The following PTPRK variants were observed in gnomAD, a reference collection of about 807,000 sequenced individuals.
PTPRK encodes the protein protein tyrosine phosphatase receptor type K, also known as receptor-type tyrosine-protein phosphatase kappa.
A neutral mutation model predicts 178.0 loss-of-function variants in PTPRK; 75 were observed. That is an observed-to-expected ratio of 0.42 (90% CI 0.35 to 0.51). The LOEUF (loss-of-function observed/expected upper bound fraction) is 0.51. Among genes scored for constraint, PTPRK ranks in the 20% least tolerant of loss-of-function variants. The pLI is 0.02. For missense variants in PTPRK, 1,441 were observed against 1,797.8 expected, an observed-to-expected ratio of 0.80 and a Z score of 3.59; for synonymous variants, 637 against 620.6, an observed-to-expected ratio of 1.03 and a Z score of -0.39.
intron 2 of PTPRK, among the ~76,000 whole-genome samples, chr6:128,388,176 T>C (rs1410462986): frequency 1.3e-5 from 2 of 152,098 alleles, no homozygotes; most frequent in Non-Finnish European, 2.9e-5. Context: ...TATCAAAGAG[T>C]ATCCCAGGAA....
intron 2 of PTPRK, among the ~76,000 whole-genome samples, chr6:128,348,947 C>T (rs1386627363): frequency 6.6e-6 from 1 of 152,000 alleles, no homozygotes; most frequent in African/African-American, 2.4e-5. Context: ...TAAAAATCCA[C>T]CTATCTAAGA....
At chr6:128,310,370 G>A (rs1201105195) in intron 3 of PTPRK, among the ~76,000 whole-genome samples, 1 of 152,158 alleles carries the variant, frequency 6.6e-6, no homozygotes, top group Non-Finnish European at 1.5e-5. Flanking sequence ...CTGAATTTCA[G>A]TTAGCATAGT....
intron 1 of PTPRK, among the ~76,000 whole-genome samples, chr6:128,511,905 C>T (rs1192513638): frequency 1.3e-5 from 2 of 152,154 alleles, no homozygotes; most frequent in Non-Finnish European, 2.9e-5. Flanking sequence ...AAACACTGAT[C>T]ACAGGCCCTA....
At chr6:128,454,904 A>G (rs1363216831) in intron 1 of PTPRK, among the ~76,000 whole-genome samples, 1 of 152,152 alleles carries the variant, frequency 6.6e-6, no homozygotes, top group African/African-American at 2.4e-5. Flanking sequence ...AATTTTTTTA[A>G]TGCTCTCCTT....
intron 7 of PTPRK, among the ~76,000 whole-genome samples, chr6:128,142,442 G>A (rs1044998999): frequency 4.6e-5 from 7 of 151,668 alleles, no homozygotes; most frequent in Non-Finnish European, 1.0e-4. Context: ...AGCTAGACAA[G>A]TCAAACATTG....
At chr6:127,974,113 C>T (rs1225905173) in intron 27 of PTPRK, among the ~76,000 whole-genome samples, 2 of 152,274 alleles carry the variant, frequency 1.3e-5, no homozygotes, top group Middle Eastern at 3.4e-3. Flanking sequence ...TTCTCTTTAT[C>T]ACCACTGACA....
At chr6:127,971,990 T>C (rs996092027) in intron 29 of PTPRK, among the ~76,000 whole-genome samples, 7 of 152,084 alleles carry the variant, frequency 4.6e-5, no homozygotes, top group African/African-American at 1.4e-4. Flanking sequence ...TCAAAACCAA[T>C]GTAATCTTGT....
At chr6:128,096,928 C>CTTTGAAAGACATTGTCT (rs1788011631) in intron 7 of PTPRK, among the ~76,000 whole-genome samples, 1 of 152,094 alleles carries the variant, frequency 6.6e-6, no homozygotes, top group Non-Finnish European at 1.5e-5. Flanking sequence ...AACTTAAGGT[C>CTTTGAAAGACATTGTCT]TTTGAAAGAC....
rs963619525 is a variant in PTPRK at position 128,067,588 on chromosome 6, A to G, written c.2088T>C (p.Phe696=). ...TGCGCGGAGCCAAAGGAGGGTTCCAAAAGCCTTGGTAGGTCCGATTGTCAC... is the reference window on the plus strand; with the variant it reads ...TGCGCGGAGCCAAAGGAGGGTTCCAGAAGCCTTGGTAGGTCCGATTGTCAC... The part of the protein sequence containing the change: ...TVGDNRTYQG[F]WNPPLAPRKG... Residue 696 remains phenylalanine (F), a synonymous_variant, in exon 12 of 30, where the codon TTT becomes TTC. Coordinates refer to ENST00000368226, the MANE Select transcript of PTPRK (RefSeq NM_002844.4). 2.5e-6 allele frequency: 4 copies of G among 1,612,626 alleles called. No homozygotes were observed. Among genetic ancestry groups the G allele is most frequent in the Non-Finnish European group, 3.4e-6 (4 of 1,179,072 alleles).
chr6:128,408,618 T>C (rs1230701374), intron 1 of PTPRK, among the ~76,000 whole-genome samples: 2 of 152,178 alleles, frequency 1.3e-5, no homozygotes, highest in East Asian at 3.8e-4. Flanking sequence ...GTTGTTAATA[T>C]ACTTGCCCTA....
chr6:128,293,665 G>A (rs1823778966), intron 3 of PTPRK, among the ~76,000 whole-genome samples: 1 of 152,006 alleles, frequency 6.6e-6, no homozygotes, highest in African/African-American at 2.4e-5. Flanking sequence ...AAATTTTAGA[G>A]AATGCAAAGC....
At position 128,184,466 on chromosome 6, in the gene PTPRK, T is replaced by C. The variant is rs1169294793; in HGVS notation, c.1128A>G (p.Pro376=). ...TRPGEGGTGL[P]GPPLITRTKC... is the part of the protein sequence containing the mutation. ...TTGTTCTGGTGATTAGTGGAGGTCC[T>C]GGGAGCCCCGTTCCACCTTCACCAG... is the stretch of plus-strand genomic sequence containing the variant. Residue 376 remains proline, a synonymous_variant, in exon 7 of 30, where the codon CCA becomes CCG. Coordinates refer to ENST00000368226, the MANE Select transcript of PTPRK (RefSeq NM_002844.4). 6.2e-7 allele frequency: 1 copy of C among 1,613,698 alleles called. No individual in the cohort carries two copies. Among genetic ancestry groups the C allele is most frequent in the Admixed American group, 1.7e-5 (1 of 59,950 alleles).
intron 6 of PTPRK, among the ~76,000 whole-genome samples, chr6:128,193,547 T>C (rs1391579475): frequency 6.6e-6 from 1 of 152,098 alleles, no homozygotes; most frequent in Non-Finnish European, 1.5e-5. Context: ...ATGCTAAATA[T>C]GCTGCTCTTC....
At chr6:127,991,996 T>C (rs1776661943) in intron 19 of PTPRK, among the ~76,000 whole-genome samples, 2 of 151,724 alleles carry the variant, frequency 1.3e-5, no homozygotes, top group African/African-American at 4.8e-5. Flanking sequence ...CACAGAAAAA[T>C]GACCCCTGTT....
intron 7 of PTPRK, among the ~76,000 whole-genome samples, chr6:128,104,506 G>A (rs150267553): frequency 2.0e-5 from 3 of 152,354 alleles, no homozygotes; most frequent in Admixed American, 1.3e-4. Flanking sequence ...ATAGGCATAA[G>A]CCACCACGCC....
intron 2 of PTPRK, among the ~76,000 whole-genome samples, chr6:128,341,826 T>C (rs907382798): frequency 6.6e-6 from 1 of 152,248 alleles, no homozygotes; most frequent in Non-Finnish European, 1.5e-5. Context: ...TTATTTGTCA[T>C]GGACTTGATT....
intron 7 of PTPRK, among the ~76,000 whole-genome samples, chr6:128,171,163 G>A (rs1800191080): frequency 6.6e-6 from 1 of 151,946 alleles, no homozygotes; most frequent in Non-Finnish European, 1.5e-5. Flanking sequence ...AACACTTCAA[G>A]TAAAATTTTA....
chr6:128,063,163 C>CA (rs1781157106), intron 13 of PTPRK, among the ~76,000 whole-genome samples: 1 of 152,172 alleles, frequency 6.6e-6, no homozygotes. Flanking sequence ...CACCACACTG[C>CA]ATTCCTGAGA....
At chr6:128,046,248 T>A (rs1440683382) in intron 13 of PTPRK, among the ~76,000 whole-genome samples, 2 of 152,132 alleles carry the variant, frequency 1.3e-5, no homozygotes, top group Non-Finnish European at 2.9e-5. Flanking sequence ...AAGAAAAACC[T>A]TAAATCAGAT....
Sources: allele counts gnomAD v4.1 joint callset (sites outside exome capture counted in the v4.1 genomes callset), GRCh38; gene constraint gnomAD v4.1.1; transcripts MANE v1.5; gene names NCBI Gene and HGNC (gene_info 2026-07-23, HGNC 2026-07-21).